TMPRSS15: variants seen among roughly 807,000 people sequenced by gnomAD.
TMPRSS15 encodes the protein enteropeptidase.
TMPRSS15 carries 128 observed loss-of-function variants against 125.3 expected under a neutral mutation model. The ratio of observed to expected loss-of-function variants is 1.02; its 90% confidence interval spans 0.89 to 1.18. The LOEUF is 1.18. Among genes scored for constraint, TMPRSS15 ranks in the 50% most tolerant of loss-of-function variants. The pLI, the probability that TMPRSS15 is intolerant of heterozygous loss-of-function variation, is 0.00. For synonymous variants in TMPRSS15, 446 were observed against 423.2 expected (o/e 1.05, Z -0.66); for missense variants, 1,283 against 1,212.7 (o/e 1.06, Z -0.86).
rs183663686 is a variant in TMPRSS15 at position 18,464,212 on chromosome 21, A to G, written c.10+21587T>C. ...AAAAAAAAAAAGTTCTTTGAAACCC[A>G]TGAGAACAAAGACACAATGTACCAG... On this transcript the variant is annotated intron_variant, in intron 1 of 7. Coordinates refer to the TMPRSS15 transcript ENST00000422787. 3.7e-3 allele frequency among the ~76,000 whole-genome samples: 552 copies of G among 150,584 alleles called. 1 individual carries two copies. The highest frequency in any genetic ancestry group is 0.013 in the African/African-American group (523 of 40,978).
chr21:18,296,626 T>C (rs56051401), intron 19 of TMPRSS15, among the ~76,000 whole-genome samples: 12,269 of 152,272 alleles, frequency 0.081, 582 homozygotes, highest in Non-Finnish European at 0.11. Flanking sequence ...TTTTAAATAA[T>C]TTTTTCTTAC....
chr21:18,432,532 G>T (rs2076218241), intron 1 of TMPRSS15, among the ~76,000 whole-genome samples: 1 of 152,092 alleles, frequency 6.6e-6, no homozygotes, highest in South Asian at 2.1e-4. Flanking sequence ...AATCTGAAAG[G>T]TATCCTTATA....
chr21:18,318,475 G>A (rs1400718623), intron 16 of TMPRSS15, among the ~76,000 whole-genome samples: 1 of 151,986 alleles, frequency 6.6e-6, no homozygotes, highest in Non-Finnish European at 1.5e-5. Flanking sequence ...GGAAGATGGG[G>A]AAAAAAGGGA....
chr21:18,391,703 C>A (rs1433534190), intron 3 of TMPRSS15, among the ~76,000 whole-genome samples: 1 of 152,144 alleles, frequency 6.6e-6, no homozygotes, highest in African/African-American at 2.4e-5. Context: ...CTGTCTTCTC[C>A]AGAGTCAGCC....
At chr21:18,406,197 T>C (rs1013710783), upstream of TMPRSS15, among the ~76,000 whole-genome samples, 2 of 152,156 alleles carry the variant, frequency 1.3e-5, no homozygotes, top group Non-Finnish European at 2.9e-5. Context: ...AACATAAGTC[T>C]GCTTGGGACC....
intron 18 of TMPRSS15, among the ~76,000 whole-genome samples, chr21:18,302,539 A>C (rs2074984506): frequency 6.6e-6 from 1 of 152,224 alleles, no homozygotes; most frequent in Non-Finnish European, 1.5e-5. Context: ...AAGTTTAATT[A>C]ATTTTAGATT....
At chr21:18,433,088 T>A (rs2076219762) in intron 1 of TMPRSS15, among the ~76,000 whole-genome samples, 1 of 152,190 alleles carries the variant, frequency 6.6e-6, no homozygotes, top group South Asian at 2.1e-4. Context: ...GTTTACTTTT[T>A]TCATGTTAAT....
intron 1 of TMPRSS15, 88 bp from the exon 2 acceptor site, chr21:18,398,417 G>A: frequency 1.4e-6 from 2 of 1,392,306 alleles, no homozygotes. Context: ...TAGAAGTAAA[G>A]CTCTCGCCTG....
intron 6 of TMPRSS15, among the ~76,000 whole-genome samples, chr21:18,368,951 C>T (rs2075765357): frequency 6.6e-6 from 1 of 151,950 alleles, no homozygotes; most frequent in African/African-American, 2.4e-5. Context: ...TTCTGGAGAA[C>T]CTGATAGTGC....
intron 1 of TMPRSS15, among the ~76,000 whole-genome samples, chr21:18,472,480 TACACAC>T (rs61425148): frequency 1.8e-5 from 2 of 112,332 alleles, no homozygotes; most frequent in African/African-American, 6.2e-5. Flanking sequence ...TATATATATA[TACACAC>T]ACACACACAT....
chr21:18,412,620 G>A (rs936307586), intron 1 of TMPRSS15, among the ~76,000 whole-genome samples: 3 of 152,014 alleles, frequency 2.0e-5, no homozygotes, highest in Non-Finnish European at 4.4e-5. Context: ...TATTTTTAAC[G>A]ATGTCAGTTT....
At chr21:18,317,909 T>TCCCATCCC (rs1569004326) in intron 16 of TMPRSS15, among the ~76,000 whole-genome samples, 7 of 72,780 alleles carry the variant, frequency 9.6e-5, no homozygotes, top group African/African-American at 3.2e-4. Context: ...CATCCCATCC[T>TCCCATCCC]ATCCCAACCC....
At chr21:18,372,642 C>A (rs1308383558) in intron 5 of TMPRSS15, among the ~76,000 whole-genome samples, 1 of 152,160 alleles carries the variant, frequency 6.6e-6, no homozygotes, top group African/African-American at 2.4e-5. Flanking sequence ...CATTTACCAA[C>A]CAAAGTCATT....
rs181640996 is a variant in TMPRSS15, at chr21:18,345,558, G to A, written c.1172-1498C>T. Among the ~76,000 whole-genome samples the A allele has an allele frequency of 7.3e-3, 1,094 of 149,152 alleles. 12 individuals carry two copies. The highest frequency in any genetic ancestry group is 0.02 in the African/African-American group (804 of 40,694). ...AGATCCAGACCATCCTGGCTAACACGGCGAAACCCCGTCTCTACAAAAAAT... is the reference window on the plus strand; with the variant it reads ...AGATCCAGACCATCCTGGCTAACACAGCGAAACCCCGTCTCTACAAAAAAT... On this transcript the variant is annotated intron_variant, in intron 10 of 24. Coordinates refer to ENST00000284885, the MANE Select transcript of TMPRSS15 (RefSeq NM_002772.3).
At chr21:18,478,097 A>G (rs2123289168) in intron 1 of TMPRSS15, among the ~76,000 whole-genome samples, 1 of 152,232 alleles carries the variant, frequency 6.6e-6, no homozygotes, top group Admixed American at 6.6e-5. Context: ...GAAATCTCTT[A>G]ATCATGATTA....
At chr21:18,403,429 T>G (rs1052181231) in intron 1 of TMPRSS15, 49 bp downstream of exon 1, 6 of 1,612,926 alleles carry the variant, frequency 3.7e-6, no homozygotes, top group Non-Finnish European at 5.1e-6. Flanking sequence ...CACTAAAGTG[T>G]GTACATTCAG....
intron 21 of TMPRSS15, among the ~76,000 whole-genome samples, chr21:18,288,528 C>CTTTTTTT (rs149147539): frequency 3.1e-5 from 3 of 96,966 alleles, no homozygotes; most frequent in East Asian, 3.7e-4. Context: ...AATGCTCTTC[C>CTTTTTTT]TTTTTTTTTT....
intron 23 of TMPRSS15, 59 bp downstream of exon 23, chr21:18,278,905 T>A (rs1176795016): frequency 1.1e-6 from 1 of 912,880 alleles, no homozygotes; most frequent in Non-Finnish European, 1.7e-6. Context: ...ATTATGACAG[T>A]CTGTTTTTCA....
chr21:18,432,157 T>C (rs184637340), intron 1 of TMPRSS15, among the ~76,000 whole-genome samples: 1 of 152,298 alleles, frequency 6.6e-6, no homozygotes, highest in African/African-American at 2.4e-5. Context: ...CTTGGGTTTC[T>C]GGATTATCAT....
Sources: allele counts gnomAD v4.1 joint callset (sites outside exome capture counted in the v4.1 genomes callset), GRCh38; gene constraint gnomAD v4.1.1; transcripts MANE v1.5; gene names NCBI Gene and HGNC (gene_info 2026-07-23, HGNC 2026-07-21).